C1orf21: variants seen among roughly 807,000 people sequenced by gnomAD.
The protein encoded by C1orf21 is chromosome 1 open reading frame 21.
A neutral mutation model predicts 18.7 loss-of-function variants in C1orf21; 3 were observed. The observed-to-expected ratio is 0.16, with a 90% CI of 0.07 to 0.42. C1orf21 has a LOEUF of 0.42. Among genes scored for constraint, C1orf21 ranks in the 10% least tolerant of loss-of-function variants. C1orf21 has a pLI of 0.99. For missense variants in C1orf21, 104 were observed against 143.6 expected, an observed-to-expected ratio of 0.72 and a Z score of 1.41; for synonymous variants, 41 against 46.4, an observed-to-expected ratio of 0.88 and a Z score of 0.47.
In C1orf21 at chr1:184,468,752, C is replaced by CT. The variant is rs567089967; in HGVS notation, c.-124-8633dup. 4.8e-3 allele frequency among the ~76,000 whole-genome samples: 733 copies of CT among 151,914 alleles called. 7 individuals are homozygous for CT. Among genetic ancestry groups the CT allele is most frequent in the Non-Finnish European group, 6.9e-3 (467 of 67,982 alleles). On this transcript the variant is annotated intron_variant, in intron 1 of 5. Coordinates refer to ENST00000235307, the MANE Select transcript of C1orf21 (RefSeq NM_030806.4). ...TGGCCAACATGGTGAAACACCGTCT[C>CT]TACTGAAAATACAAAAATTAGCTGG...
rs529813626 is a variant in C1orf21 at position 184,597,464 on chromosome 1, A to G, written c.267-937A>G. Among the ~76,000 whole-genome samples, 38 of 152,176 alleles carry G rather than the reference A, an allele frequency of 2.5e-4. 1 individual carries two copies. The highest frequency in any genetic ancestry group is 2.3e-3 in the South Asian group (11 of 4,820). ...ATGATGGTAAAGGGTACATTTCACCACACTTGGATATGAAGGGAAGAAGCC... is the reference window on the plus strand; with the variant it reads ...ATGATGGTAAAGGGTACATTTCACCGCACTTGGATATGAAGGGAAGAAGCC... On this transcript the variant is annotated intron_variant, in intron 4 of 5. Transcript: ENST00000235307.
chr1:184,461,456 T>A (rs988183920), intron 1 of C1orf21, among the ~76,000 whole-genome samples: 2 of 152,168 alleles, frequency 1.3e-5, no homozygotes, highest in Non-Finnish European at 2.9e-5. Flanking sequence ...CTCCCAAAGA[T>A]GTGTCTTATC....
chr1:184,477,746 T>G, intron 2 of C1orf21, 143 bp downstream of exon 2: 1 of 657,262 alleles, frequency 1.5e-6, no homozygotes, highest in Non-Finnish European at 2.6e-6. Context: ...CAAGTCGGTA[T>G]TTAGGATATC....
At chr1:184,540,413 T>C (rs1658629322) in intron 3 of C1orf21, among the ~76,000 whole-genome samples, 1 of 152,020 alleles carries the variant, frequency 6.6e-6, no homozygotes, top group African/African-American at 2.4e-5. Flanking sequence ...TTGGTGGCTA[T>C]AGGAGTTTTT....
At chr1:184,388,207 T>C (rs563034162) in intron 1 of C1orf21, among the ~76,000 whole-genome samples, 6 of 152,304 alleles carry the variant, frequency 3.9e-5, no homozygotes, top group African/African-American at 7.2e-5. Context: ...GCTTAAGGGC[T>C]CTCAGCACTC....
At chr1:184,536,612 G>A (rs1296070119) in intron 3 of C1orf21, among the ~76,000 whole-genome samples, 1 of 152,172 alleles carries the variant, frequency 6.6e-6, no homozygotes, top group Admixed American at 6.5e-5. Context: ...AGATATCCGA[G>A]GACAACTAGT....
rs1315746300 is a variant in C1orf21, at chr1:184,539,619, GACTT to G, written c.189+31938_189+31941del. ...TCACCAGTGAAGCAATCAGGCCCAG[GACTT>G]TTCACAGCTGCATGTTTTAACCTTT... On this transcript the variant is annotated intron_variant, in intron 3 of 5. Transcript: ENST00000235307. Among the ~76,000 whole-genome samples, 27 of 152,240 alleles carry G rather than the reference GACTT, an allele frequency of 1.8e-4. No homozygotes were observed. In the East Asian group the frequency reaches 4.4e-3, roughly 25 times the overall value.
In C1orf21 at chr1:184,521,919, A is replaced by G. The variant is rs776394102; in HGVS notation, c.189+14237A>G. On this transcript the variant is annotated intron_variant, in intron 3 of 5. Coordinates refer to ENST00000235307, the MANE Select transcript of C1orf21 (RefSeq NM_030806.4). ...GGAAATCAACGAAGACTGTGAGACC[A>G]AAACTAAAAGCAACCATACATAAGC... 1.6e-4 allele frequency among the ~76,000 whole-genome samples: 24 copies of G among 152,360 alleles called. 1 individual carries two copies. The South Asian group carries it at 5.0e-3, about 32-fold the overall frequency.
chr1:184,443,806 A>G (rs1418936941), intron 1 of C1orf21, among the ~76,000 whole-genome samples: 1 of 152,168 alleles, frequency 6.6e-6, no homozygotes, highest in Admixed American at 6.5e-5. Flanking sequence ...AAATGGGGTC[A>G]TGAGGCACTG....
chr1:184,388,305 A>G (rs1410224551), intron 1 of C1orf21, among the ~76,000 whole-genome samples: 1 of 152,252 alleles, frequency 6.6e-6, no homozygotes, highest in Non-Finnish European at 1.5e-5. Flanking sequence ...TGCATGGCCA[A>G]AGATAAAAAT....
At position 184,461,758 on chromosome 1, in the gene C1orf21, T is replaced by C. The variant is rs550301688; in HGVS notation, c.-124-15628T>C. Among the ~76,000 whole-genome samples the C allele has an allele frequency of 2.0e-5, 3 of 152,290 alleles. No individual in the cohort carries two copies. In the East Asian group the frequency reaches 5.8e-4, roughly 29 times the overall value. On this transcript the variant is annotated intron_variant, in intron 1 of 5. Transcript: ENST00000235307. ...GAAAACAAATGATCATGTCACCCTA[T>C]AGAGAATTTCGCTTTCCCTTTGACG...
rs58174774 is a variant in C1orf21 at position 184,548,214 on chromosome 1, A to AACACACAC, written c.189+40567_189+40574dup. ...ATAGTAATCCATATCTCAAATCCCC[A>AACACACAC]ACACACACACACACACACACACACA... is the stretch of plus-strand genomic sequence containing the variant. On this transcript the variant is annotated intron_variant, in intron 3 of 5. Coordinates refer to ENST00000235307, the MANE Select transcript of C1orf21 (RefSeq NM_030806.4). Among the ~76,000 whole-genome samples the AACACACAC allele has an allele frequency of 3.0e-3, 418 of 140,052 alleles. 3 individuals carry two copies. The highest frequency in any genetic ancestry group is 5.1e-3 in the African/African-American group (191 of 37,522). The allele number at this position is 140,052 out of a possible 152,430, so 91.9% of individuals were successfully genotyped here.
chr1:184,542,363 G>A (rs1248552034), intron 3 of C1orf21, among the ~76,000 whole-genome samples: 1 of 152,062 alleles, frequency 6.6e-6, no homozygotes, highest in Non-Finnish European at 1.5e-5. Flanking sequence ...ACTTGCCTGG[G>A]GTCACACAAC....
At chr1:184,591,894 C>A (rs1449197261) in intron 4 of C1orf21, among the ~76,000 whole-genome samples, 1 of 151,758 alleles carries the variant, frequency 6.6e-6, no homozygotes, top group African/African-American at 2.4e-5. Context: ...AAAATTAGTG[C>A]CTATAGGTAC....
intron 1 of C1orf21, among the ~76,000 whole-genome samples, chr1:184,398,081 T>C (rs887343802): frequency 1.3e-5 from 2 of 152,208 alleles, no homozygotes; most frequent in Non-Finnish European, 2.9e-5. Flanking sequence ...GAATGTGGGC[T>C]ATGGATTCAG....
intron 3 of C1orf21, among the ~76,000 whole-genome samples, chr1:184,551,104 G>A (rs1241018545): frequency 2.6e-5 from 4 of 152,140 alleles, no homozygotes; most frequent in Non-Finnish European, 5.9e-5. Context: ...CCCTTGAAAT[G>A]CACAGACAGA....
At chr1:184,608,715 C>G (rs577999969) in intron 5 of C1orf21, among the ~76,000 whole-genome samples, 1 of 152,178 alleles carries the variant, frequency 6.6e-6, no homozygotes, top group African/African-American at 2.4e-5. Flanking sequence ...CCAAAGTGCT[C>G]ATTCCCAGAA....
Position 184,477,546 on chromosome 1 carries a change from C to A in C1orf21, c.37C>A (p.Gln13Lys). Reference protein sequence around the residue: ...CASAKHVATVQNEEEAQKGKN... With the variant: ...CASAKHVATVKNEEEAQKGKN... ...CTCCGCCAAGCATGTTGCCACTGTT[C>A]AAAATGAAGAGGAAGCCCAGAAAGG... The change falls in exon 2 of 6, where the codon CAA becomes AAA. Residue 13 changes from glutamine to lysine, a missense_variant. Transcript: ENST00000235307. 6.2e-7 allele frequency: 1 copy of A among 1,613,954 alleles called. No individual in the cohort carries two copies. The highest frequency in any genetic ancestry group is 8.5e-7 in the Non-Finnish European group (1 of 1,179,918).
chr1:184,514,963 T>C (rs541293461), intron 3 of C1orf21, among the ~76,000 whole-genome samples: 1 of 152,320 alleles, frequency 6.6e-6, no homozygotes, highest in East Asian at 1.9e-4. Flanking sequence ...TGGGTGGATG[T>C]ATCCCAAATT....
Sources: allele counts gnomAD v4.1 joint callset (sites outside exome capture counted in the v4.1 genomes callset), GRCh38; gene constraint gnomAD v4.1.1; transcripts MANE v1.5; gene names NCBI Gene and HGNC (gene_info 2026-07-23, HGNC 2026-07-21).